The following DOCK1 variants were observed in gnomAD, a reference collection of about 807,000 sequenced individuals.
The protein encoded by DOCK1 is dedicator of cytokinesis 1, also known as dedicator of cytokinesis protein 1.
A neutral mutation model predicts 262.7 loss-of-function variants in DOCK1; 138 were observed. The ratio of observed to expected loss-of-function variants is 0.53; its 90% confidence interval spans 0.46 to 0.61. The LOEUF (loss-of-function observed/expected upper bound fraction) is 0.61, where lower values mean the gene tolerates loss of function less well. DOCK1 is among the 20% of genes least tolerant of loss of function. DOCK1 has a pLI of 0.00. For missense variants in DOCK1, 1,908 were observed against 2,370.7 expected, an observed-to-expected ratio of 0.80 and a Z score of 4.05; for synonymous variants, 866 against 867.4, an observed-to-expected ratio of 1.00 and a Z score of 0.03.
intron 1 of DOCK1, among the ~76,000 whole-genome samples, chr10:126,937,553 T>C (rs1329677117): frequency 6.6e-6 from 1 of 151,992 alleles, no homozygotes; most frequent in Non-Finnish European, 1.5e-5. Context: ...GCCATTCTTA[T>C]GGGTGTGAAG....
intron 27 of DOCK1, among the ~76,000 whole-genome samples, chr10:127,224,883 C>T (rs1379301564): frequency 2.0e-5 from 3 of 151,868 alleles, no homozygotes; most frequent in African/African-American, 7.3e-5. Flanking sequence ...CCTTTAGGGT[C>T]AAGACGATGG....
intron 44 of DOCK1, among the ~76,000 whole-genome samples, chr10:127,417,676 A>C (rs2068241988): frequency 6.6e-6 from 1 of 152,152 alleles, no homozygotes; most frequent in African/African-American, 2.4e-5. Flanking sequence ...CCTGGGTTCA[A>C]GTAATTATCC....
intron 27 of DOCK1, among the ~76,000 whole-genome samples, chr10:127,231,136 C>T (rs1199983035): frequency 6.6e-6 from 1 of 151,972 alleles, no homozygotes; most frequent in Non-Finnish European, 1.5e-5. Context: ...TGTTTTAAGA[C>T]TCATCTGGTA....
chr10:126,945,136 C>T (rs2035296420), intron 1 of DOCK1, among the ~76,000 whole-genome samples: 1 of 152,166 alleles, frequency 6.6e-6, no homozygotes, highest in African/African-American at 2.4e-5. Context: ...CGTGCCTGGC[C>T]AGAAAACGTT....
chr10:127,094,165 GC>G (rs1165488496), intron 23 of DOCK1, among the ~76,000 whole-genome samples: 1 of 152,194 alleles, frequency 6.6e-6, no homozygotes, highest in Non-Finnish European at 1.5e-5. Context: ...CAGCACTCCA[GC>G]CTGGGCGACG....
chr10:127,438,724 T>C (rs973253189), intron 48 of DOCK1, among the ~76,000 whole-genome samples: 8 of 152,242 alleles, frequency 5.3e-5, no homozygotes, highest in African/African-American at 1.7e-4. Flanking sequence ...TTTTGAAATA[T>C]GCCCTAAATA....
intron 1 of DOCK1, among the ~76,000 whole-genome samples, chr10:126,949,832 A>G (rs1380278718): frequency 6.6e-6 from 1 of 151,726 alleles, no homozygotes; most frequent in Non-Finnish European, 1.5e-5. Context: ...TATGAGGGCT[A>G]TTTGGGGAGC....
intron 13 of DOCK1, 34 bp downstream of exon 13, chr10:127,018,869 G>T (rs1330245533): frequency 1.2e-6 from 2 of 1,608,894 alleles, no homozygotes; most frequent in Non-Finnish European, 1.7e-6. Context: ...TTCTCAGCAT[G>T]GCATGGGGGT....
At chr10:127,433,012 G>C (rs780872709) in intron 47 of DOCK1, among the ~76,000 whole-genome samples, 3 of 152,206 alleles carry the variant, frequency 2.0e-5, no homozygotes, top group Non-Finnish European at 4.4e-5. Flanking sequence ...ATGTGTTGAC[G>C]CATCGCGGTC....
chr10:127,306,562 G>A (rs934528336), intron 29 of DOCK1, among the ~76,000 whole-genome samples: 3 of 152,148 alleles, frequency 2.0e-5, no homozygotes, highest in East Asian at 1.9e-4. Context: ...AGGAGCTCTC[G>A]GGTCGCTGGG....
At chr10:127,226,317 G>A (rs2058637579) in intron 27 of DOCK1, among the ~76,000 whole-genome samples, 1 of 152,104 alleles carries the variant, frequency 6.6e-6, no homozygotes, top group Non-Finnish European at 1.5e-5. Flanking sequence ...TTTCTTGGCG[G>A]TCAGTGAAGG....
At chr10:126,944,249 G>A (rs2035228139) in intron 1 of DOCK1, among the ~76,000 whole-genome samples, 2 of 152,050 alleles carry the variant, frequency 1.3e-5, no homozygotes, top group South Asian at 4.2e-4. Flanking sequence ...AGGGGCTGCT[G>A]GTCTCCGGTG....
intron 30 of DOCK1, among the ~76,000 whole-genome samples, chr10:127,342,850 T>C (rs1318386318): frequency 2.6e-5 from 4 of 152,224 alleles, no homozygotes; most frequent in Non-Finnish European, 5.9e-5. Flanking sequence ...TCTTTACATT[T>C]GTTTTCCTTG....
At chr10:127,171,853 G>A (rs930002770) in intron 27 of DOCK1, among the ~76,000 whole-genome samples, 5 of 151,988 alleles carry the variant, frequency 3.3e-5, no homozygotes, top group Admixed American at 6.6e-5. Flanking sequence ...ACAGGTGCCC[G>A]CCACCACGCC....
chr10:127,235,191 T>C (rs919291691), intron 27 of DOCK1, among the ~76,000 whole-genome samples: 8 of 151,776 alleles, frequency 5.3e-5, no homozygotes, highest in African/African-American at 1.7e-4. Flanking sequence ...CTTTATATTT[T>C]ATATAGTAAC....
chr10:127,424,245 T>C (rs965167725), intron 46 of DOCK1, among the ~76,000 whole-genome samples: 7 of 152,130 alleles, frequency 4.6e-5, no homozygotes, highest in African/African-American at 1.7e-4. Flanking sequence ...CTGCTGAGAG[T>C]GGTGAATTCT....
chr10:127,295,698 A>G (rs1257432575), intron 29 of DOCK1, among the ~76,000 whole-genome samples: 1 of 151,416 alleles, frequency 6.6e-6, no homozygotes, highest in Non-Finnish European at 1.5e-5. Flanking sequence ...AAAAAAAAAG[A>G]ACTGTGATTG....
At chr10:127,332,424 G>C (rs549749981) in intron 29 of DOCK1, among the ~76,000 whole-genome samples, 2 of 152,174 alleles carry the variant, frequency 1.3e-5, no homozygotes, top group South Asian at 4.1e-4. Flanking sequence ...GGAAATAATA[G>C]CAATGAAATC....
intron 12 of DOCK1, among the ~76,000 whole-genome samples, chr10:127,017,092 AAC>A (rs1442874335): frequency 6.8e-6 from 1 of 147,726 alleles, no homozygotes; most frequent in African/African-American, 2.5e-5. Flanking sequence ...ATACACCACA[AAC>A]ACATACACAC....
Sources: allele counts gnomAD v4.1 joint callset (sites outside exome capture counted in the v4.1 genomes callset), GRCh38; gene constraint gnomAD v4.1.1; transcripts MANE v1.5; gene names NCBI Gene and HGNC (gene_info 2026-07-23, HGNC 2026-07-21).